Variants in LAMA4 observed in about 807,000 individuals in gnomAD.
The protein encoded by LAMA4 is laminin subunit alpha-4.
LAMA4 carries 127 observed loss-of-function variants against 207.1 expected under a neutral mutation model. The ratio of observed to expected loss-of-function variants is 0.61; its 90% CI spans 0.53 to 0.71. The LOEUF (loss-of-function observed/expected upper bound fraction) is 0.71, where lower values mean the gene tolerates loss of function less well. LAMA4 is among the 30% of genes least tolerant of loss of function. The pLI is 0.00. For synonymous variants in LAMA4, 761 were observed against 816.0 expected, an observed-to-expected ratio of 0.93 and a Z score of 1.15; for missense variants, 2,093 against 2,246.5, an observed-to-expected ratio of 0.93 and a Z score of 1.38.
intron 9 of LAMA4, chr6:112,179,567 T>C (rs567892022): frequency 9.7e-5 from 15 of 154,702 alleles, no homozygotes; most frequent in Non-Finnish European, 2.0e-4. Flanking sequence ...AGACCCATTA[T>C]ACAGAGTTTC....
chr6:112,157,131 C>G (rs1554337206), intron 14 of LAMA4, among the ~76,000 whole-genome samples: 2 of 152,262 alleles, frequency 1.3e-5, no homozygotes, highest in East Asian at 3.9e-4. Flanking sequence ...CTGTTCCTCC[C>G]CACAACCCCT....
At position 112,181,364 on chromosome 6, in the gene LAMA4, T is replaced by C. The variant is rs533559385; in HGVS notation, c.1078-3132A>G. 2.0e-5 allele frequency among the ~76,000 whole-genome samples: 3 copies of C among 152,322 alleles called. No homozygotes were observed. In the South Asian group the frequency reaches 6.2e-4, roughly 32 times the overall value. On this transcript the variant is annotated intron_variant, in intron 9 of 38. Transcript: ENST00000230538. Reference sequence around the variant, plus strand: ...TGAATGACTTCCAGAGTCCACAGGCTGAAGTCCCCATGTTCACGAGCGTGT... The same window carrying C: ...TGAATGACTTCCAGAGTCCACAGGCCGAAGTCCCCATGTTCACGAGCGTGT...
chr6:112,229,051 T>C (rs1785395998), intron 2 of LAMA4, among the ~76,000 whole-genome samples: 1 of 152,234 alleles, frequency 6.6e-6, no homozygotes, highest in African/African-American at 2.4e-5. Context: ...ATAATCAAGT[T>C]GCCTTTACCA....
intron 9 of LAMA4, chr6:112,179,714 T>A: frequency 4.4e-6 from 1 of 229,700 alleles, no homozygotes; most frequent in South Asian, 5.7e-5. Context: ...TCTCAGATGG[T>A]CAAGGAAGAG....
intron 22 of LAMA4, 91 bp from the exon 23 acceptor site, chr6:112,139,976 G>A (rs1016620170): frequency 3.4e-5 from 42 of 1,242,958 alleles, no homozygotes; most frequent in Non-Finnish European, 4.7e-5. Flanking sequence ...AGTAGGTCAA[G>A]GAGACCTACC....
chr6:112,169,913 A>G (rs1300726757), intron 12 of LAMA4, among the ~76,000 whole-genome samples: 3 of 152,258 alleles, frequency 2.0e-5, no homozygotes, highest in Non-Finnish European at 4.4e-5. Flanking sequence ...TGTGTTTTGC[A>G]CACACCCTGA....
intron 31 of LAMA4, among the ~76,000 whole-genome samples, chr6:112,126,542 G>A (rs552152684): frequency 6.6e-6 from 1 of 152,248 alleles, no homozygotes; most frequent in African/African-American, 2.4e-5. Context: ...TGTTAACATT[G>A]ATAAAGCAGT....
chr6:112,210,456 G>C (rs148029059), intron 3 of LAMA4, among the ~76,000 whole-genome samples: 2 of 152,076 alleles, frequency 1.3e-5, no homozygotes, highest in African/African-American at 4.8e-5. Context: ...ATAAGTGTTG[G>C]GATTGCCATT....
chr6:112,112,462 C>T (rs1381530543), intron 38 of LAMA4, among the ~76,000 whole-genome samples: 1 of 152,158 alleles, frequency 6.6e-6, no homozygotes, highest in African/African-American at 2.4e-5. Flanking sequence ...CCTGGAGGCT[C>T]TTGGGAACCT....
chr6:112,251,611 CCAACCCAGT>C (rs1562114006), intron 2 of LAMA4: 1 of 152,240 alleles, frequency 6.6e-6, no homozygotes, highest in Non-Finnish European at 1.5e-5. Context: ...GTCTCCTGAG[CCAACCCAGT>C]AAAGTGTTTG....
Position 112,165,195 on chromosome 6 carries a change from G to A in LAMA4, c.1633C>T (p.Arg545Cys), listed in dbSNP as rs138153075. The A allele has an allele frequency of 1.8e-3, 2,879 of 1,611,554 alleles. 8 individuals carry two copies. Among genetic ancestry groups the A allele is most frequent in the Non-Finnish European group, 2.1e-3 (2,518 of 1,177,692 alleles). Residue 545 changes from arginine (R) to cysteine (C), a missense_variant, in exon 13 of 39, where the codon CGT becomes TGT. Arg to Cys is a radical substitution (Grantham distance 180, BLOSUM62 -3). This residue lies in a region of LAMA4 where 1,704 missense variants were observed against 1,788.4 expected (regional missense o/e 0.95). Coordinates refer to ENST00000230538, the MANE Select transcript of LAMA4 (RefSeq NM_001105206.3). The stretch of plus-strand genomic sequence containing the variant: ...TCATCAAGTTCTGAAAGAGTTAGAC[G>A]AGGTGTTGTCAGAGAGTCCGCAGAT... ...STSADSLTTP[R>C]LTLSELDDII...
intron 2 of LAMA4, chr6:112,219,259 A>T (rs1322584202): frequency 6.6e-6 from 1 of 152,214 alleles, no homozygotes; most frequent in Non-Finnish European, 1.5e-5. Flanking sequence ...TGTAATCGTT[A>T]TCCTTAGTAA....
intron 18 of LAMA4, among the ~76,000 whole-genome samples, 178 bp from the exon 19 acceptor site, chr6:112,145,111 T>C (rs1261679650): frequency 6.6e-6 from 1 of 152,188 alleles, no homozygotes; most frequent in Non-Finnish European, 1.5e-5. Flanking sequence ...AGGGAATAGG[T>C]TGAGGCAGAC....
At position 112,206,983 on chromosome 6, in the gene LAMA4, C is replaced by T. The variant is rs782613313; in HGVS notation, c.422+38G>A. ...AAAACAAAACAAAACAATACATAGA[C>T]TGATCATTAGAAGAGACCATCCTCC... is the stretch of plus-strand genomic sequence containing the variant. On this transcript the variant is annotated intron_variant, in intron 4 of 38. Coordinates refer to ENST00000230538, the MANE Select transcript of LAMA4 (RefSeq NM_001105206.3). 3.0e-5 allele frequency: 49 copies of T among 1,608,202 alleles called. No homozygotes were observed. In the South Asian group the frequency reaches 5.1e-4, roughly 17 times the overall value.
chr6:112,111,546 T>C (rs1194334052), intron 38 of LAMA4, among the ~76,000 whole-genome samples: 3 of 152,232 alleles, frequency 2.0e-5, no homozygotes, highest in African/African-American at 4.8e-5. Context: ...GCTATCCTCT[T>C]AATGCCTGGT....
rs1294571485 is a variant in LAMA4, at chr6:112,190,964, CTTTCTT to C, written c.718+666_718+671del. 8.7e-5 allele frequency among the ~76,000 whole-genome samples: 11 copies of C among 126,222 alleles called. No homozygotes were observed. The Admixed American group carries it at 9.5e-4, about 11-fold the overall frequency. 82.8% of individuals were successfully genotyped at this position (126,222 alleles called of 152,430 possible). ...CTTTCTTTCCTTTCTTTCTTTCTTT[CTTTCTT>C]TCTTTCTTTCTTTCTTTCCTCTTTC... On this transcript the variant is annotated intron_variant, in intron 6 of 38. Transcript: ENST00000230538.
chr6:112,165,817 T>C (rs1261695554), intron 12 of LAMA4, among the ~76,000 whole-genome samples: 1 of 152,210 alleles, frequency 6.6e-6, no homozygotes, highest in Non-Finnish European at 1.5e-5. Context: ...CAGAGCTCTT[T>C]ATTGTAAATG....
At chr6:112,186,943 G>C in intron 8 of LAMA4, 1 of 450,404 alleles carries the variant, frequency 2.2e-6, no homozygotes, top group Non-Finnish European at 4.4e-6. Flanking sequence ...GAATGTCTGC[G>C]TTTGACTGTG....
At chr6:112,138,608 TTTA>T (rs142627658) in intron 24 of LAMA4, among the ~76,000 whole-genome samples, 34,227 of 151,852 alleles carry the variant, frequency 0.23, 4,255 homozygotes, top group South Asian at 0.42. Flanking sequence ...TATATAATCT[TTTA>T]TTTTATCTTT....
Sources: gnomAD v4.1 joint callset for allele counts (sites outside exome capture counted in the v4.1 genomes callset) on GRCh38, gnomAD v4.1.1 for gene constraint, gnomAD v4.1.1 regional missense constraint, MANE v1.5 for transcripts, NCBI Gene and HGNC (gene_info 2026-07-23, HGNC 2026-07-21) for gene names.